TESC: variants seen among roughly 807,000 people sequenced by gnomAD.
The protein encoded by TESC is tescalcin.
Under a neutral mutation model 31.0 loss-of-function variants are expected in TESC, and 19 were observed. The ratio of observed to expected loss-of-function variants is 0.61; its 90% CI spans 0.43 to 0.90. The LOEUF is 0.90. TESC is among the 40% of genes least tolerant of loss of function. The pLI is 0.00. For synonymous variants in TESC, 109 were observed against 114.8 expected, an observed-to-expected ratio of 0.95 and a Z score of 0.32; for missense variants, 248 against 303.8, an observed-to-expected ratio of 0.82 and a Z score of 1.36.
At position 117,076,678 on chromosome 12, in the gene TESC, G is replaced by C. The variant is rs888343503; in HGVS notation, c.59-1338C>G. 2.0e-5 allele frequency among the ~76,000 whole-genome samples: 3 copies of C among 152,074 alleles called. No individual in the cohort carries two copies. In the East Asian group the frequency reaches 5.8e-4, roughly 29 times the overall value. ...AGGCTGGTCTTGAACTCCTGACCTT[G>C]AGTGATCCGCCCACCGCAGCCTCCC... On this transcript the variant is annotated intron_variant, in intron 1 of 7. Coordinates refer to ENST00000335209, the MANE Select transcript of TESC (RefSeq NM_017899.4).
At chr12:117,068,728 G>A (rs1458884629) in intron 2 of TESC, among the ~76,000 whole-genome samples, 6 of 152,080 alleles carry the variant, frequency 3.9e-5, no homozygotes, top group Non-Finnish European at 8.8e-5. Flanking sequence ...TTACTCCACA[G>A]TCAATGGCTC....
chr12:117,060,951 G>A (rs1277246160), intron 2 of TESC, among the ~76,000 whole-genome samples: 1 of 152,178 alleles, frequency 6.6e-6, no homozygotes, highest in Non-Finnish European at 1.5e-5. Context: ...TCCTGAGTCT[G>A]TTTTCTCGTC....
Position 117,068,858 on chromosome 12 carries a change from C to T in TESC, c.128+6413G>A, listed in dbSNP as rs12297294. Among the ~76,000 whole-genome samples, 500 of 152,334 alleles carry T rather than the reference C, an allele frequency of 3.3e-3. 3 individuals carry two copies. The highest frequency in any genetic ancestry group is 0.011 in the African/African-American group (459 of 41,566). ...TTTCTGGCATTTATAAGCCTGCCAG[C>T]GTGCTATCAGGAAATTAAAAATTGT... On this transcript the variant is annotated intron_variant, in intron 2 of 7. Transcript: ENST00000335209.
At chr12:117,048,413 AGAGGG>A (rs1954599242) in intron 4 of TESC, among the ~76,000 whole-genome samples, 1 of 152,162 alleles carries the variant, frequency 6.6e-6, no homozygotes, top group African/African-American at 2.4e-5. Context: ...GGCGGGACAC[AGAGGG>A]ATGTCAGGAG....
rs908904069 is a variant in TESC at position 117,056,865 on chromosome 12, G to A, written c.150C>T (p.Val50=). 6.2e-7 allele frequency: 1 copy of A among 1,614,128 alleles called. No homozygotes were observed. The highest frequency in any genetic ancestry group is 8.5e-7 in the Non-Finnish European group (1 of 1,180,018). ...GGATGGGGTTGAGCTCCAGGTCCGG[G>A]ACATTGTTGAAGTTCTCCTTGCTGG... ...PTIRKENFNN[V]PDLELNPIRS... The change falls in exon 3 of 8, where the codon GTC becomes GTT. Residue 50 remains valine, a synonymous_variant. Coordinates refer to ENST00000335209, the MANE Select transcript of TESC (RefSeq NM_017899.4).
chr12:117,090,539 A>G (rs1034138347), intron 1 of TESC, among the ~76,000 whole-genome samples: 1 of 152,206 alleles, frequency 6.6e-6, no homozygotes, highest in African/African-American at 2.4e-5. Context: ...TCCTCGCAAC[A>G]TTCAGTGAAA....
chr12:117,063,211 C>T (rs1006256123), intron 2 of TESC, among the ~76,000 whole-genome samples: 38 of 152,166 alleles, frequency 2.5e-4, no homozygotes, highest in African/African-American at 8.4e-4. Flanking sequence ...CTAGAGTTGG[C>T]GCGGGACTCC....
chr12:117,085,510 G>A (rs1190157186), intron 1 of TESC, among the ~76,000 whole-genome samples: 2 of 152,158 alleles, frequency 1.3e-5, no homozygotes, highest in African/African-American at 4.8e-5. Context: ...GACTCCCCAA[G>A]CCACCCTGCC....
intron 2 of TESC, among the ~76,000 whole-genome samples, chr12:117,074,413 C>T (rs1276558379): frequency 6.6e-6 from 1 of 152,112 alleles, no homozygotes; most frequent in African/African-American, 2.4e-5. Context: ...AACCGGAATA[C>T]AGTTTAAGGC....
intron 2 of TESC, among the ~76,000 whole-genome samples, chr12:117,067,903 T>C (rs1482893736): frequency 1.3e-5 from 2 of 152,148 alleles, no homozygotes; most frequent in African/African-American, 4.8e-5. Flanking sequence ...CCCCGTGCTT[T>C]TTTTTCTTTT....
intron 2 of TESC, among the ~76,000 whole-genome samples, chr12:117,060,141 A>G (rs1954782386): frequency 6.6e-6 from 1 of 152,094 alleles, no homozygotes; most frequent in South Asian, 2.1e-4. Flanking sequence ...GAATTTTATA[A>G]TATGTGCATT....
intron 2 of TESC, among the ~76,000 whole-genome samples, chr12:117,060,454 T>G (rs1487746656): frequency 1.3e-5 from 2 of 152,126 alleles, no homozygotes; most frequent in Non-Finnish European, 2.9e-5. Context: ...TGCCTTGCCC[T>G]TTTTCCTCAT....
chr12:117,075,422 GC>G (rs1955036886), intron 1 of TESC, 82 bp from the exon 2 acceptor site: 2 of 1,490,794 alleles, frequency 1.3e-6, no homozygotes, highest in Non-Finnish European at 1.8e-6. Flanking sequence ...ATATTCTTTT[GC>G]CCCATCCCCA....
intron 2 of TESC, among the ~76,000 whole-genome samples, chr12:117,058,204 T>C (rs1389067948): frequency 6.6e-6 from 1 of 152,116 alleles, no homozygotes; most frequent in East Asian, 1.9e-4. Context: ...TGGTAGACTG[T>C]AGTCTCAAAA....
At chr12:117,069,476 T>C (rs1276418495) in intron 2 of TESC, among the ~76,000 whole-genome samples, 1 of 152,120 alleles carries the variant, frequency 6.6e-6, no homozygotes, top group Non-Finnish European at 1.5e-5. Context: ...TGACCTCAAG[T>C]GATCCGCCAG....
intron 6 of TESC, among the ~76,000 whole-genome samples, chr12:117,044,512 G>A (rs920605688): frequency 3.9e-5 from 6 of 152,198 alleles, no homozygotes; most frequent in Non-Finnish European, 7.3e-5. Flanking sequence ...GAAGGAGGGC[G>A]GGGAGTTGGG....
At chr12:117,072,123 A>C (rs1954982734) in intron 2 of TESC, among the ~76,000 whole-genome samples, 1 of 152,182 alleles carries the variant, frequency 6.6e-6, no homozygotes, top group Non-Finnish European at 1.5e-5. Context: ...GGGGCCTCCA[A>C]CAGCCTCATA....
intron 1 of TESC, among the ~76,000 whole-genome samples, chr12:117,096,962 G>A (rs375065037): frequency 5.5e-4 from 84 of 152,176 alleles, no homozygotes; most frequent in African/African-American, 2.0e-3. Context: ...GAGGACCTCC[G>A]GATCCACCCT....
At chr12:117,064,116 T>C (rs976703982) in intron 2 of TESC, among the ~76,000 whole-genome samples, 2 of 152,124 alleles carry the variant, frequency 1.3e-5, no homozygotes, top group Non-Finnish European at 2.9e-5. Context: ...AGGGTCTCAC[T>C]ATATTTCCCA....
Sources: gnomAD v4.1 joint callset for allele counts (sites outside exome capture counted in the v4.1 genomes callset) on GRCh38, gnomAD v4.1.1 for gene constraint, MANE v1.5 for transcripts, NCBI Gene and HGNC (gene_info 2026-07-23, HGNC 2026-07-21) for gene names.